The following STX8 variants were observed in gnomAD, a reference collection of about 807,000 sequenced individuals.
The protein encoded by STX8 is syntaxin-8.
STX8 carries 23 observed loss-of-function variants against 37.5 expected under a neutral mutation model. That is an observed-to-expected ratio of 0.61 (90% CI 0.44 to 0.87). The LOEUF is 0.87. Ranked by LOEUF, STX8 falls within the 40% of genes least tolerant of loss-of-function variation. The probability of loss-of-function intolerance (pLI) is 0.00; values close to 1 mark genes in which losing one functional copy is unlikely to be tolerated. For synonymous variants in STX8, 115 were observed against 99.1 expected, an observed-to-expected ratio of 1.16 and a Z score of -0.95; for missense variants, 313 against 284.7, an observed-to-expected ratio of 1.10 and a Z score of -0.71.
At chr17:9,426,219 A>G (rs1913623315) in intron 6 of STX8, among the ~76,000 whole-genome samples, 1 of 152,136 alleles carries the variant, frequency 6.6e-6, no homozygotes, top group African/African-American at 2.4e-5. Context: ...GGACTGCTTA[A>G]GTGTAAGAGC....
intron 6 of STX8, among the ~76,000 whole-genome samples, chr17:9,441,385 G>A (rs1387582648): frequency 2.6e-5 from 4 of 151,140 alleles, no homozygotes; most frequent in Non-Finnish European, 4.4e-5. Flanking sequence ...AGCTACTTGG[G>A]AGGCTGAGGC....
At chr17:9,402,262 G>A (rs1226756549) in intron 6 of STX8, among the ~76,000 whole-genome samples, 2 of 152,002 alleles carry the variant, frequency 1.3e-5, no homozygotes, top group Non-Finnish European at 2.9e-5. Flanking sequence ...TGGAATTACA[G>A]GCATGCACCA....
chr17:9,483,717 C>G (rs772260269), intron 6 of STX8, among the ~76,000 whole-genome samples: 2 of 152,120 alleles, frequency 1.3e-5, no homozygotes, highest in Admixed American at 6.5e-5. Flanking sequence ...TCAAAGGACA[C>G]GCTGGTCTCC....
Position 9,575,783 on chromosome 17 carries a change from G to A in STX8, c.17+9C>T, listed in dbSNP as rs1235514237. The A allele has an allele frequency of 1.9e-6, 3 of 1,544,576 alleles. No homozygotes were observed. The highest frequency in any genetic ancestry group is 2.4e-5 in the East Asian group (1 of 40,898). Reference sequence around the variant, plus strand: ...CCTCCACGCACCGCCGCCCTCACCCGGGACTCACCAGGGGTCCGGTGCCAT... The same window carrying A: ...CCTCCACGCACCGCCGCCCTCACCCAGGACTCACCAGGGGTCCGGTGCCAT... On this transcript the variant is annotated intron_variant, in intron 1 of 7. Transcript: ENST00000306357.
At position 9,513,571 on chromosome 17, in the gene STX8, T is replaced by C. The variant is rs570566578; in HGVS notation, c.324-8409A>G. 3.9e-5 allele frequency among the ~76,000 whole-genome samples: 6 copies of C among 152,246 alleles called. No homozygotes were observed. In the East Asian group the frequency reaches 9.6e-4, roughly 24 times the overall value. ...AACAGGAACTCTTATACACAGATGG[T>C]GGAAATGTAAACTAGTACAGCCACT... On this transcript the variant is annotated intron_variant, in intron 4 of 7. Coordinates refer to ENST00000306357, the MANE Select transcript of STX8 (RefSeq NM_004853.3).
chr17:9,487,135 T>C (rs1468581102), intron 6 of STX8, among the ~76,000 whole-genome samples: 1 of 152,150 alleles, frequency 6.6e-6, no homozygotes, highest in African/African-American at 2.4e-5. Flanking sequence ...CCTTTTTAAT[T>C]CTCTATGAGG....
intron 7 of STX8, among the ~76,000 whole-genome samples, chr17:9,288,768 G>T (rs1483557335): frequency 6.6e-6 from 1 of 151,828 alleles, no homozygotes; most frequent in Non-Finnish European, 1.5e-5. Flanking sequence ...ACCAAAAAAT[G>T]AAAGACAGAA....
chr17:9,568,042 T>C (rs1001231256), intron 2 of STX8, among the ~76,000 whole-genome samples: 1 of 152,136 alleles, frequency 6.6e-6, no homozygotes, highest in Non-Finnish European at 1.5e-5. Flanking sequence ...GTGGTGAGAA[T>C]GGAAACTCAA....
intron 7 of STX8, among the ~76,000 whole-genome samples, chr17:9,266,684 A>G (rs1907242880): frequency 6.6e-6 from 1 of 152,106 alleles, no homozygotes; most frequent in African/African-American, 2.4e-5. Flanking sequence ...CCTGGAGGCT[A>G]CTTTGGCCCC....
chr17:9,545,414 C>T (rs915648212), intron 3 of STX8, 132 bp from the exon 4 acceptor site: 1 of 643,330 alleles, frequency 1.6e-6, no homozygotes, highest in African/African-American at 1.8e-5. Context: ...GGGATGCGCA[C>T]CACTCTTGCG....
chr17:9,410,663 T>C (rs1414060343), intron 6 of STX8, among the ~76,000 whole-genome samples: 1 of 152,212 alleles, frequency 6.6e-6, no homozygotes, highest in Non-Finnish European at 1.5e-5. Flanking sequence ...AAATATAAAT[T>C]AATTACCAAA....
At chr17:9,355,634 C>T (rs12945987) in intron 7 of STX8, among the ~76,000 whole-genome samples, 15,243 of 151,796 alleles carry the variant, frequency 0.1, 826 homozygotes, top group Middle Eastern at 0.18. Context: ...TCTCGCCTCC[C>T]GAGTAGCTGG....
intron 6 of STX8, among the ~76,000 whole-genome samples, chr17:9,476,808 G>A (rs1296406686): frequency 6.6e-6 from 1 of 151,730 alleles, no homozygotes; most frequent in Non-Finnish European, 1.5e-5. Flanking sequence ...GTGTCCTCAC[G>A]TGGCCTGCCC....
At chr17:9,271,599 A>T (rs1026879324) in intron 7 of STX8, among the ~76,000 whole-genome samples, 1 of 152,114 alleles carries the variant, frequency 6.6e-6, no homozygotes, top group African/African-American at 2.4e-5. Context: ...AAAATACAAA[A>T]ATTAGATGGG....
At chr17:9,383,404 G>T (rs1911884005) in intron 6 of STX8, among the ~76,000 whole-genome samples, 1 of 152,146 alleles carries the variant, frequency 6.6e-6, no homozygotes, top group Non-Finnish European at 1.5e-5. Context: ...CAGACAAAGG[G>T]TATGACGAAA....
chr17:9,546,490 A>G (rs1260244217), intron 3 of STX8, among the ~76,000 whole-genome samples: 1 of 40,644 alleles, frequency 2.5e-5, no homozygotes, highest in Non-Finnish European at 5.5e-5. Context: ...GTGCGCATGA[A>G]GCAAAAAGGG....
At chr17:9,319,982 A>C (rs1431879788) in intron 7 of STX8, among the ~76,000 whole-genome samples, 1 of 151,862 alleles carries the variant, frequency 6.6e-6, no homozygotes, top group Non-Finnish European at 1.5e-5. Flanking sequence ...AAAATAAAAT[A>C]AAAGCAAACT....
intron 7 of STX8, among the ~76,000 whole-genome samples, chr17:9,331,803 C>T (rs1358967668): frequency 6.6e-6 from 1 of 152,062 alleles, no homozygotes; most frequent in Non-Finnish European, 1.5e-5. Context: ...CTTTTTCCTT[C>T]TGCAATTCTT....
intron 6 of STX8, among the ~76,000 whole-genome samples, chr17:9,477,377 T>C (rs897043688): frequency 2.6e-5 from 4 of 152,164 alleles, no homozygotes; most frequent in Non-Finnish European, 4.4e-5. Flanking sequence ...AACCAAAACT[T>C]ACCTAGAGAA....
Sources: allele counts gnomAD v4.1 joint callset (sites outside exome capture counted in the v4.1 genomes callset), GRCh38; gene constraint gnomAD v4.1.1; transcripts MANE v1.5; gene names NCBI Gene and HGNC (gene_info 2026-07-23, HGNC 2026-07-21).